Variants in IPO11 observed in about 807,000 individuals in gnomAD.
IPO11 encodes the protein importin 11, also known as importin-11.
A neutral mutation model predicts 143.2 loss-of-function variants in IPO11; 66 were observed. That is an observed-to-expected ratio of 0.46 (90% confidence interval 0.38 to 0.57). The LOEUF (loss-of-function observed/expected upper bound fraction) is 0.57. Among genes scored for constraint, IPO11 ranks in the 20% least tolerant of loss-of-function variants. The pLI is 0.00. For missense variants in IPO11, 1,026 were observed against 1,141.0 expected (o/e 0.90, Z 1.45); for synonymous variants, 385 against 377.8 (o/e 1.02, Z -0.22).
At chr5:62,555,475 G>A (rs1158336035) in intron 26 of IPO11, among the ~76,000 whole-genome samples, 1 of 125,216 alleles carries the variant, frequency 8.0e-6, no homozygotes, top group Non-Finnish European at 1.6e-5. Context: ...ACCACACCTG[G>A]CTAATTATTT....
chr5:62,571,283 G>C (rs977590037), intron 27 of IPO11, among the ~76,000 whole-genome samples: 18 of 152,170 alleles, frequency 1.2e-4, no homozygotes, highest in Admixed American at 2.6e-4. Flanking sequence ...TTTAGCTTCA[G>C]ATGCCTGGTC....
chr5:62,464,797 A>G (rs1745511107), intron 5 of IPO11, among the ~76,000 whole-genome samples: 1 of 152,170 alleles, frequency 6.6e-6, no homozygotes, highest in African/African-American at 2.4e-5. Flanking sequence ...AAATGAGTTC[A>G]AGTGACTTCA....
chr5:62,590,670 T>G (rs750218114), intron 27 of IPO11, among the ~76,000 whole-genome samples: 4 of 152,308 alleles, frequency 2.6e-5, no homozygotes, highest in African/African-American at 9.6e-5. Context: ...AAATTTTGTC[T>G]GTGTTACTGC....
At chr5:62,607,760 C>A (rs1222014221) in intron 29 of IPO11, among the ~76,000 whole-genome samples, 1 of 151,378 alleles carries the variant, frequency 6.6e-6, no homozygotes, top group Non-Finnish European at 1.5e-5. Flanking sequence ...TCTCAACTTG[C>A]GCAGTTAACA....
At chr5:62,441,995 G>A (rs138183413) in intron 2 of IPO11, among the ~76,000 whole-genome samples, 7 of 150,376 alleles carry the variant, frequency 4.7e-5, no homozygotes, top group Non-Finnish European at 7.4e-5. Flanking sequence ...ACAGGCATGC[G>A]CCACCATGCC....
chr5:62,580,784 C>G, intron 27 of IPO11: 1 of 1,551,422 alleles, frequency 6.4e-7, no homozygotes, highest in Non-Finnish European at 8.7e-7. Flanking sequence ...AATACTGAGA[C>G]TGAGAACATT....
At chr5:62,476,620 AT>A in intron 8 of IPO11, 62 bp from the exon 9 acceptor site, 1 of 1,442,544 alleles carries the variant, frequency 6.9e-7, no homozygotes. Context: ...TTTTGTAAAA[AT>A]TTTGATGTTG....
chr5:62,490,904 T>C (rs1040327006), intron 15 of IPO11, among the ~76,000 whole-genome samples: 4 of 152,188 alleles, frequency 2.6e-5, no homozygotes, highest in African/African-American at 7.2e-5. Flanking sequence ...TACAGGCGCA[T>C]GCCACCACAC....
intron 19 of IPO11, among the ~76,000 whole-genome samples, chr5:62,514,634 G>GGGAGAGGGAGAC (rs1467368656): frequency 6.8e-6 from 1 of 148,110 alleles, no homozygotes; most frequent in Admixed American, 6.6e-5. Context: ...GAGAGGGAGA[G>GGGAGAGGGAGAC]GGAGACGGGA....
intron 22 of IPO11, among the ~76,000 whole-genome samples, chr5:62,531,595 T>G (rs1325918310): frequency 6.6e-6 from 1 of 152,178 alleles, no homozygotes; most frequent in African/African-American, 2.4e-5. Flanking sequence ...CCCAAAGCGC[T>G]GGGATTATTA....
intron 20 of IPO11, among the ~76,000 whole-genome samples, chr5:62,525,797 G>A (rs1344656990): frequency 6.6e-6 from 1 of 152,152 alleles, no homozygotes; most frequent in African/African-American, 2.4e-5. Context: ...TTAGGTGAAA[G>A]CATCTATAGA....
chr5:62,422,240 C>T (rs1343703085), intron 1 of IPO11, among the ~76,000 whole-genome samples: 1 of 152,140 alleles, frequency 6.6e-6, no homozygotes, highest in Admixed American at 6.5e-5. Context: ...AGTTCTCCTG[C>T]CTCAGCCTCC....
chr5:62,623,636 CTTCTTT>C (rs1348661120), intron 29 of IPO11, among the ~76,000 whole-genome samples: 1 of 148,552 alleles, frequency 6.7e-6, no homozygotes, highest in Non-Finnish European at 1.5e-5. Flanking sequence ...TTCTTTCTTT[CTTCTTT>C]TTCTTTTTTT....
intron 1 of IPO11, among the ~76,000 whole-genome samples, chr5:62,414,386 T>C (rs566248832): frequency 1.9e-3 from 290 of 152,354 alleles, no homozygotes; most frequent in African/African-American, 6.6e-3. Context: ...CTTTGTGTTA[T>C]ATATTTGTAC....
At chr5:62,564,899 T>C (rs1447606651) in intron 27 of IPO11, among the ~76,000 whole-genome samples, 2 of 152,210 alleles carry the variant, frequency 1.3e-5, no homozygotes, top group African/African-American at 4.8e-5. Flanking sequence ...AGTCACTTGC[T>C]AATGACCATG....
intron 1 of IPO11, among the ~76,000 whole-genome samples, chr5:62,414,058 G>A (rs1363359062): frequency 6.6e-6 from 1 of 152,170 alleles, no homozygotes; most frequent in Non-Finnish European, 1.5e-5. Flanking sequence ...ATAGTCTCAG[G>A]GTAGGAGGGT....
chr5:62,506,743 T>C (rs1428749700), intron 19 of IPO11, among the ~76,000 whole-genome samples: 1 of 152,186 alleles, frequency 6.6e-6, no homozygotes, highest in South Asian at 2.1e-4. Flanking sequence ...GTCTGCATTA[T>C]ATTTACATTT....
chr5:62,434,155 T>C (rs1744087651), intron 1 of IPO11, among the ~76,000 whole-genome samples: 1 of 152,186 alleles, frequency 6.6e-6, no homozygotes, highest in Non-Finnish European at 1.5e-5. Context: ...CAAGGCCTTT[T>C]TTCTAGTTGT....
At chr5:62,429,754 G>C (rs1271703702) in intron 1 of IPO11, among the ~76,000 whole-genome samples, 4 of 152,032 alleles carry the variant, frequency 2.6e-5, no homozygotes, top group Non-Finnish European at 5.9e-5. Flanking sequence ...CTCCCGAGTA[G>C]CTGGGACTAT....
Sources: gnomAD v4.1 joint callset for allele counts (sites outside exome capture counted in the v4.1 genomes callset) on GRCh38, gnomAD v4.1.1 for gene constraint, MANE v1.5 for transcripts, NCBI Gene and HGNC (gene_info 2026-07-23, HGNC 2026-07-21) for gene names.